The following ALDH1A2 variants were observed in gnomAD, a reference collection of about 807,000 sequenced individuals.
The protein encoded by ALDH1A2 is retinal dehydrogenase 2.
ALDH1A2 carries 27 observed loss-of-function variants against 60.3 expected under a neutral mutation model. The observed-to-expected ratio is 0.45, with a 90% CI of 0.33 to 0.62. The LOEUF is 0.62. Among genes scored for constraint, ALDH1A2 ranks in the 20% least tolerant of loss-of-function variants. The pLI is 0.02. For missense variants in ALDH1A2, 581 were observed against 643.8 expected, an observed-to-expected ratio of 0.90 and a Z score of 1.06; for synonymous variants, 289 against 232.4, an observed-to-expected ratio of 1.24 and a Z score of -2.21.
Position 58,014,215 on chromosome 15 carries a change from T to C in ALDH1A2, c.184A>G (p.Thr62Ala). The change falls in exon 2 of 13, where the codon ACA (threonine) becomes GCA (alanine). Residue 62 changes from threonine (T) to alanine (A), a missense_variant. By Grantham distance (58) the Thr-to-Ala change is moderately conservative. This residue lies in a region of ALDH1A2 where 206 missense variants were observed against 174.1 expected (regional missense o/e 1.18). Transcript: ENST00000249750. ...GRVFPVYNPA[T>A]GEQVCEVQEA... ...TGAACTTCACACACCTGTTCTCCTG[T>C]GGCTGGATTATAGACAGGGAACACT... 1 of 1,614,140 alleles carries C rather than the reference T, an allele frequency of 6.2e-7. No homozygotes were observed. The highest frequency in any genetic ancestry group is 8.5e-7 in the Non-Finnish European group (1 of 1,179,986).
rs759901664 is a variant in ALDH1A2 at position 57,963,903 on chromosome 15, G to A, written c.1068C>T (p.Thr356=). The A allele has an allele frequency of 1.4e-5, 23 of 1,614,058 alleles. No individual in the cohort carries two copies. Among genetic ancestry groups the A allele is most frequent in the Middle Eastern group, 1.6e-4 (1 of 6,084 alleles). Residue 356 remains threonine (T), a synonymous_variant, in exon 9 of 13, where the codon ACC becomes ACT. Coordinates refer to ENST00000249750, the MANE Select transcript of ALDH1A2 (RefSeq NM_003888.4). ...RRVVGSPFDP[T]TEQGPQIDKK... ...TTTCTACCTGGGGACCCTGCTCAGT[G>A]GTGGGGTCAAAGGGACTCCCCACTA...
Position 58,049,261 on chromosome 15 carries a change from G to C in ALDH1A2, c.117+16273C>G, listed in dbSNP as rs755445065. 2.0e-5 allele frequency among the ~76,000 whole-genome samples: 3 copies of C among 151,888 alleles called. No individual in the cohort carries two copies. The East Asian group carries it at 5.8e-4, about 30-fold the overall frequency. On this transcript the variant is annotated intron_variant, in intron 1 of 12. Transcript: ENST00000249750. Reference sequence around the variant, plus strand: ...ATCCAGTTGTGCCTCTATTCCTCTCGCATGATTTCTTTATGGGTCATATTC... The same window carrying C: ...ATCCAGTTGTGCCTCTATTCCTCTCCCATGATTTCTTTATGGGTCATATTC...
intron 7 of ALDH1A2, among the ~76,000 whole-genome samples, chr15:57,969,359 G>A (rs1362728798): frequency 6.6e-6 from 1 of 152,184 alleles, no homozygotes; most frequent in Admixed American, 6.5e-5. Flanking sequence ...GATCTGAACA[G>A]ATTAAATTAC....
chr15:57,999,991 G>A (rs945241034), intron 4 of ALDH1A2, among the ~76,000 whole-genome samples: 1 of 151,644 alleles, frequency 6.6e-6, no homozygotes, highest in African/African-American at 2.4e-5. Flanking sequence ...ATATTTTCAT[G>A]TATTGGGGGA....
chr15:57,977,101 T>C (rs1218058790), intron 7 of ALDH1A2, among the ~76,000 whole-genome samples: 1 of 152,108 alleles, frequency 6.6e-6, no homozygotes, highest in Non-Finnish European at 1.5e-5. Context: ...TCGATGTTTT[T>C]TTTTTTTTCT....
intron 1 of ALDH1A2, among the ~76,000 whole-genome samples, chr15:58,034,257 A>G (rs1896320061): frequency 6.6e-6 from 1 of 151,700 alleles, no homozygotes; most frequent in Admixed American, 6.6e-5. Flanking sequence ...TTTTAATTTC[A>G]AATTCCAAAT....
chr15:57,996,398 T>C (rs1895063849), intron 4 of ALDH1A2, among the ~76,000 whole-genome samples: 1 of 151,912 alleles, frequency 6.6e-6, no homozygotes, highest in South Asian at 2.1e-4. Flanking sequence ...GTTTCCTCTT[T>C]TCAAGGAACT....
intron 12 of ALDH1A2, among the ~76,000 whole-genome samples, chr15:57,958,088 T>C (rs916330646): frequency 6.6e-6 from 1 of 152,140 alleles, no homozygotes; most frequent in Admixed American, 6.5e-5. Flanking sequence ...AAAAACGCAG[T>C]TCCTGGGTCC....
chr15:58,058,054 C>T (rs1896939822), intron 1 of ALDH1A2: 1 of 1,533,974 alleles, frequency 6.5e-7, no homozygotes, highest in South Asian at 1.2e-5. Context: ...CAGTCTCACA[C>T]TGATTCTTCA....
At chr15:58,039,857 G>A (rs1305628275) in intron 1 of ALDH1A2, among the ~76,000 whole-genome samples, 1 of 151,722 alleles carries the variant, frequency 6.6e-6, no homozygotes, top group African/African-American at 2.4e-5. Flanking sequence ...CTCCCTAGAA[G>A]TCATTAATTC....
intron 1 of ALDH1A2, among the ~76,000 whole-genome samples, chr15:58,039,336 T>C (rs1896456633): frequency 1.3e-5 from 2 of 151,688 alleles, no homozygotes; most frequent in South Asian, 4.1e-4. Flanking sequence ...CAAATGTTCC[T>C]ATCTATGGAT....
chr15:57,955,470 G>A (rs1245667121), intron 12 of ALDH1A2, among the ~76,000 whole-genome samples: 11 of 124,302 alleles, frequency 8.8e-5, no homozygotes, highest in Admixed American at 1.6e-4. Context: ...AGTTTTTAAA[G>A]AAGTTTTTTT....
At chr15:58,061,638 G>C (rs1052735069) in intron 1 of ALDH1A2, among the ~76,000 whole-genome samples, 3 of 96,140 alleles carry the variant, frequency 3.1e-5, no homozygotes, top group Admixed American at 9.7e-5. Context: ...GGAACAAAAC[G>C]ATGAAAAAAC....
chr15:57,968,511 T>C (rs1290000946), intron 7 of ALDH1A2, among the ~76,000 whole-genome samples: 4 of 152,368 alleles, frequency 2.6e-5, no homozygotes, highest in African/African-American at 7.2e-5. Flanking sequence ...CTACATTTAC[T>C]GAGCACTAAT....
chr15:58,052,221 G>C (rs968291392), intron 1 of ALDH1A2, among the ~76,000 whole-genome samples: 9 of 152,054 alleles, frequency 5.9e-5, no homozygotes, highest in Non-Finnish European at 1.0e-4. Context: ...AACTGTTTGA[G>C]TGCAAATTTT....
At chr15:58,033,135 T>C (rs139679672) in intron 1 of ALDH1A2, among the ~76,000 whole-genome samples, 29 of 152,118 alleles carry the variant, frequency 1.9e-4, no homozygotes, top group African/African-American at 6.5e-4. Context: ...AACAAAAATG[T>C]ACTGTACTTA....
Position 57,961,907 on chromosome 15 carries a change from A to T in ALDH1A2, c.1251+105T>A. The T allele has an allele frequency of 4.2e-6, 6 of 1,437,800 alleles. No homozygotes were observed. In the South Asian group the frequency reaches 7.1e-5, roughly 17 times the overall value. 89.1% of individuals were successfully genotyped at this position (1,437,800 alleles called of 1,614,324 possible). ...TGTTCATTACTGTTGCAAAATGAAT[A>T]TATGTAAAATATAAAGAGCTAAAAC... On this transcript the variant is annotated intron_variant, in intron 10 of 12. Transcript: ENST00000249750.
intron 7 of ALDH1A2, among the ~76,000 whole-genome samples, chr15:57,977,863 C>T (rs1310623565): frequency 6.6e-6 from 1 of 152,174 alleles, no homozygotes; most frequent in African/African-American, 2.4e-5. Flanking sequence ...ATTGTGTCCT[C>T]TCATTTCCTT....
chr15:57,995,993 G>A (rs922021821), intron 4 of ALDH1A2, among the ~76,000 whole-genome samples: 1 of 151,946 alleles, frequency 6.6e-6, no homozygotes, highest in Non-Finnish European at 1.5e-5. Context: ...TTAAATACTG[G>A]GCAAAGTCTT....
Sources: gnomAD v4.1 joint callset for allele counts (sites outside exome capture counted in the v4.1 genomes callset) on GRCh38, gnomAD v4.1.1 for gene constraint, gnomAD v4.1.1 regional missense constraint, MANE v1.5 for transcripts, NCBI Gene and HGNC (gene_info 2026-07-23, HGNC 2026-07-21) for gene names.